GRIN2A: variants seen among roughly 807,000 people sequenced by gnomAD.
GRIN2A encodes the protein glutamate ionotropic receptor NMDA type subunit 2A.
In GRIN2A, 22 loss-of-function variants were observed where a neutral mutation model predicts 113.4. The observed-to-expected ratio is 0.19, with a 90% CI of 0.14 to 0.28. The LOEUF is 0.28. Among genes scored for constraint, GRIN2A ranks in the 10% least tolerant of loss-of-function variants. The probability of loss-of-function intolerance (pLI) is 1.00; values close to 1 mark genes in which losing one functional copy is unlikely to be tolerated. For missense variants in GRIN2A, 1,502 were observed against 1,887.0 expected, an observed-to-expected ratio of 0.80 and a Z score of 3.78; for synonymous variants, 827 against 738.4, an observed-to-expected ratio of 1.12 and a Z score of -1.94.
At chr16:9,840,890 G>C (rs750271182) in intron 6 of GRIN2A, 46 bp downstream of exon 6, 6 of 1,607,832 alleles carry the variant, frequency 3.7e-6, no homozygotes, top group Non-Finnish European at 5.1e-6. Context: ...GAGGACTGCA[G>C]GCCCTTTGTC....
chr16:9,842,406 G>A (rs1002779529), intron 5 of GRIN2A, among the ~76,000 whole-genome samples: 1 of 152,196 alleles, frequency 6.6e-6, no homozygotes, highest in African/African-American at 2.4e-5. Context: ...CTGTCTTTGA[G>A]TTATGCATTT....
Position 9,763,922 on chromosome 16 carries a change from G to A in GRIN2A, c.3622C>T (p.Arg1208Trp), listed in dbSNP as rs78544202. The change falls in exon 13 of 13, where the codon CGG becomes TGG. Residue 1208 changes from arginine (R) to tryptophan (W), a missense_variant. Physicochemically the swap from Arg to Trp is moderately radical, Grantham distance 101. Transcript: ENST00000330684. Reference protein sequence around the residue: ...SPHSETSERYRQNSTHCRSCL... With the variant: ...SPHSETSERYWQNSTHCRSCL... ...CTTCTGCAGTGCGTGGAGTTCTGCC[G>A]GTATCGCTCGCTGGTCTCACTGTGC... is the stretch of plus-strand genomic sequence containing the variant. 16 of 1,613,942 alleles carry A rather than the reference G, an allele frequency of 9.9e-6. No individual in the cohort carries two copies. The highest frequency in any genetic ancestry group is 1.4e-5 in the Non-Finnish European group (16 of 1,179,994).
At chr16:9,892,365 C>A (rs566964484) in intron 3 of GRIN2A, among the ~76,000 whole-genome samples, 6 of 152,136 alleles carry the variant, frequency 3.9e-5, no homozygotes, top group East Asian at 1.9e-4. Flanking sequence ...TACAGAGGGA[C>A]TACTTATGCT....
intron 2 of GRIN2A, among the ~76,000 whole-genome samples, chr16:9,960,042 A>C (rs2045404676): frequency 6.6e-6 from 1 of 152,192 alleles, no homozygotes; most frequent in Non-Finnish European, 1.5e-5. Context: ...ATAATTGAGC[A>C]ATATTAAAGG....
chr16:9,962,710 G>A (rs928785937), intron 2 of GRIN2A, among the ~76,000 whole-genome samples: 1 of 151,954 alleles, frequency 6.6e-6, no homozygotes, highest in African/African-American at 2.4e-5. Context: ...TGTGGAAATC[G>A]GTAGATTGCT....
At chr16:10,052,913 T>C (rs993045894) in intron 2 of GRIN2A, among the ~76,000 whole-genome samples, 2 of 152,058 alleles carry the variant, frequency 1.3e-5, no homozygotes, top group South Asian at 4.2e-4. Flanking sequence ...CCAGGCACAG[T>C]GGCACACTCC....
intron 2 of GRIN2A, among the ~76,000 whole-genome samples, chr16:10,105,430 G>C (rs530424299): frequency 7.9e-5 from 12 of 151,738 alleles, no homozygotes; most frequent in African/African-American, 2.4e-4. Flanking sequence ...CTGGGCAGTA[G>C]AATCAGCTGA....
intron 2 of GRIN2A, among the ~76,000 whole-genome samples, chr16:9,993,995 G>T (rs943327882): frequency 6.6e-6 from 1 of 152,206 alleles, no homozygotes; most frequent in Non-Finnish European, 1.5e-5. Context: ...TACAGGAATT[G>T]CAGATGGAAA....
chr16:10,168,062 T>C (rs557613983), intron 2 of GRIN2A, among the ~76,000 whole-genome samples: 4 of 152,176 alleles, frequency 2.6e-5, no homozygotes, highest in Admixed American at 6.5e-5. Flanking sequence ...GTAATAATGA[T>C]TAACCTGATA....
rs778386295 is a variant in GRIN2A at position 9,938,050 on chromosome 16, T to A, written c.916A>T (p.Met306Leu). Residue 306 changes from methionine to leucine, a missense_variant, in exon 3 of 13, where the codon ATG (methionine) becomes TTG (leucine). This residue lies in a region of GRIN2A where 334 missense variants were observed against 403.0 expected (regional missense o/e 0.83). Coordinates refer to ENST00000330684, the MANE Select transcript of GRIN2A (RefSeq NM_001134407.3). ...GGGATGTAGGAGAACTTCTCCAGCA[T>A]AGAAGATGCAGCGGTGGTTAGGATG... Reference protein sequence around the residue: ...IGILTTAASSMLEKFSYIPEA... With the variant: ...IGILTTAASSLLEKFSYIPEA... 3 of 1,613,970 alleles carry A rather than the reference T, an allele frequency of 1.9e-6. No homozygotes were observed. Among genetic ancestry groups the A allele is most frequent in the African/African-American group, 1.3e-5 (1 of 74,928 alleles).
intron 2 of GRIN2A, among the ~76,000 whole-genome samples, chr16:10,036,682 G>C (rs933141490): frequency 5.3e-5 from 8 of 151,176 alleles, no homozygotes; most frequent in South Asian, 4.2e-4. Context: ...TCCTGACCTC[G>C]TGATCCGCCC....
chr16:9,905,688 G>A (rs139643945), intron 3 of GRIN2A, among the ~76,000 whole-genome samples: 578 of 152,176 alleles, frequency 3.8e-3, no homozygotes, highest in Non-Finnish European at 5.5e-3. Context: ...CCGGATCTTC[G>A]AAAAAGTCCT....
Position 9,763,140 on chromosome 16 carries a change from G to A in GRIN2A, c.*9C>T, listed in dbSNP as rs754854194. On this transcript the variant is annotated 3_prime_UTR_variant, in exon 13 of 13. Coordinates refer to ENST00000330684, the MANE Select transcript of GRIN2A (RefSeq NM_001134407.3). ...ATTTCCCTATAGATAAAACATTAAT[G>A]GAAGATTTTTAAACATCAGATTCGA... The A allele has an allele frequency of 1.8e-5, 29 of 1,612,866 alleles. No individual in the cohort carries two copies. The highest frequency in any genetic ancestry group is 2.4e-5 in the Non-Finnish European group (28 of 1,179,128).
intron 2 of GRIN2A, among the ~76,000 whole-genome samples, chr16:10,019,618 C>A (rs190370128): frequency 1.5e-4 from 23 of 152,340 alleles, no homozygotes; most frequent in South Asian, 4.1e-4. Flanking sequence ...ATTAAATCAA[C>A]CCTGCCGGGT....
At chr16:9,804,084 C>T (rs2041918565) in intron 10 of GRIN2A, among the ~76,000 whole-genome samples, 1 of 152,142 alleles carries the variant, frequency 6.6e-6, no homozygotes, top group Non-Finnish European at 1.5e-5. Context: ...ACATAGTCTA[C>T]TCCAGTCCAT....
chr16:9,784,751 A>T (rs1596402133), intron 11 of GRIN2A, among the ~76,000 whole-genome samples: 1 of 152,200 alleles, frequency 6.6e-6, no homozygotes, highest in East Asian at 1.9e-4. Flanking sequence ...CAAGAAAAAA[A>T]CAAACAACCC....
intron 2 of GRIN2A, among the ~76,000 whole-genome samples, chr16:10,003,040 C>A (rs184369579): frequency 1.7e-3 from 256 of 152,312 alleles, no homozygotes; most frequent in African/African-American, 5.6e-3. Flanking sequence ...GAGTGTGTAG[C>A]AACTGACAAT....
intron 2 of GRIN2A, among the ~76,000 whole-genome samples, chr16:10,156,455 T>C (rs1217200029): frequency 6.6e-6 from 1 of 152,256 alleles, no homozygotes; most frequent in Non-Finnish European, 1.5e-5. Flanking sequence ...TCTCCACTTC[T>C]GATTGACGAC....
intron 7 of GRIN2A, among the ~76,000 whole-genome samples, chr16:9,837,263 C>G (rs560357353): frequency 3.9e-5 from 6 of 152,140 alleles, no homozygotes; most frequent in Non-Finnish European, 8.8e-5. Context: ...ATTAAGCCTA[C>G]TGGGTAAAAA....
Sources: allele counts gnomAD v4.1 joint callset (sites outside exome capture counted in the v4.1 genomes callset), GRCh38; gene constraint gnomAD v4.1.1; regional missense constraint gnomAD v4.1.1; transcripts MANE v1.5; gene names NCBI Gene and HGNC (gene_info 2026-07-23, HGNC 2026-07-21).